The following AIG1 variants were observed in gnomAD, a reference collection of about 807,000 sequenced individuals.
AIG1 encodes androgen-induced gene 1 protein.
A neutral mutation model predicts 31.4 loss-of-function variants in AIG1; 23 were observed. The ratio of observed to expected loss-of-function variants is 0.73; its 90% CI spans 0.53 to 1.04. The LOEUF (loss-of-function observed/expected upper bound fraction) is 1.04, where lower values mean the gene tolerates loss of function less well. Ranked by LOEUF, AIG1 falls within the 50% of genes least tolerant of loss-of-function variation. AIG1 has a pLI of 0.00. For synonymous variants in AIG1, 100 were observed against 110.5 expected (o/e 0.90, Z 0.60); for missense variants, 274 against 295.0 (o/e 0.93, Z 0.52).
chr6:143,342,254 G>A, downstream of AIG1: 1 of 683,914 alleles, frequency 1.5e-6, no homozygotes. Flanking sequence ...AAATGGGGTG[G>A]CGAGGCTGGG....
Position 143,326,900 on chromosome 6 carries a change from G to A in AIG1, c.516-6382G>A, listed in dbSNP as rs1776658653. Among the ~76,000 whole-genome samples, 1 of 152,058 alleles carries A rather than the reference G, an allele frequency of 6.6e-6. No homozygotes were observed. The highest frequency in any genetic ancestry group is 2.4e-5 in the African/African-American group (1 of 41,380). On this transcript the variant is annotated intron_variant, in intron 4 of 5. Coordinates refer to ENST00000357847, the MANE Select transcript of AIG1 (RefSeq NM_016108.4). The surrounding 1 kb of genome is among the most constrained non-coding windows in gnomAD (Gnocchi z 4.5). Reference sequence around the variant, plus strand: ...GGAACAGGAGCAAGATATGGGATGGGGCCAAAGAGACCGATAGAAGCCACT... The same window carrying A: ...GGAACAGGAGCAAGATATGGGATGGAGCCAAAGAGACCGATAGAAGCCACT...
chr6:143,158,453 T>G (rs1188944703), intron 2 of AIG1, among the ~76,000 whole-genome samples: 2 of 152,200 alleles, frequency 1.3e-5, no homozygotes, highest in African/African-American at 4.8e-5. Context: ...CCCATGTCCT[T>G]ATTTAATTTT....
intron 3 of AIG1, among the ~76,000 whole-genome samples, chr6:143,212,317 A>G (rs1339784739): frequency 1.3e-5 from 2 of 152,124 alleles, no homozygotes; most frequent in Non-Finnish European, 2.9e-5. Context: ...ACTACACTAT[A>G]TAGACAGTCT....
At chr6:143,337,965 G>C (rs577467258) in intron 5 of AIG1, 73 of 398,352 alleles carry the variant, frequency 1.8e-4, no homozygotes, top group Admixed American at 4.4e-5. Context: ...AATTTTTTCT[G>C]TCTACCTCAC....
chr6:143,210,142 G>C (rs546088422), intron 3 of AIG1, among the ~76,000 whole-genome samples: 1 of 152,244 alleles, frequency 6.6e-6, no homozygotes, highest in South Asian at 2.1e-4. Context: ...AGTTTATAAG[G>C]GGCTTTTCCC....
At chr6:143,139,165 A>G (rs1179400321) in intron 2 of AIG1, among the ~76,000 whole-genome samples, 3 of 152,186 alleles carry the variant, frequency 2.0e-5, no homozygotes, top group African/African-American at 7.2e-5. Context: ...CATGGTTTAT[A>G]AAACAAGTGG....
At chr6:143,217,248 TTGTTG>T (rs1792102259) in intron 3 of AIG1, among the ~76,000 whole-genome samples, 1 of 152,138 alleles carries the variant, frequency 6.6e-6, no homozygotes, top group African/African-American at 2.4e-5. Flanking sequence ...TGTTTTTTTG[TTGTTG>T]TGTTAATGAT....
At chr6:143,285,356 G>T (rs1258808895) in intron 4 of AIG1, among the ~76,000 whole-genome samples, 2 of 150,132 alleles carry the variant, frequency 1.3e-5, no homozygotes, top group Non-Finnish European at 3.0e-5. Flanking sequence ...GGAGCTTTAC[G>T]ACCATGTGGT....
intron 3 of AIG1, among the ~76,000 whole-genome samples, chr6:143,251,746 A>G (rs180905366): frequency 6.6e-6 from 1 of 152,144 alleles, no homozygotes; most frequent in Non-Finnish European, 1.5e-5. Flanking sequence ...TTGGAGTCCC[A>G]TCCTGGTCCT....
rs1393665985 is a variant in AIG1 at position 143,164,844 on chromosome 6, A to G, written c.298-238A>G. The G allele has an allele frequency of 2.6e-6, 1 of 380,858 alleles. No homozygotes were observed. Among genetic ancestry groups the G allele is most frequent in the African/African-American group, 2.1e-5 (1 of 47,690 alleles). The allele number at this position is 380,858 out of a possible 1,614,324, so 23.6% of individuals were successfully genotyped here. ...CAGGCCTCTTCTCTCTCCCTCAGAA[A>G]CCAATCCCTTTGCCTGAAAGAACAC... On this transcript the variant is annotated intron_variant, in intron 2 of 5. Transcript: ENST00000357847.
intron 4 of AIG1, among the ~76,000 whole-genome samples, chr6:143,302,540 C>T (rs1412386807): frequency 6.6e-6 from 1 of 152,134 alleles, no homozygotes; most frequent in South Asian, 2.1e-4. Context: ...CATGTCCCTA[C>T]AAAGGACATG....
At chr6:143,195,220 G>A (rs1013305416) in intron 3 of AIG1, among the ~76,000 whole-genome samples, 4 of 152,134 alleles carry the variant, frequency 2.6e-5, no homozygotes, top group African/African-American at 7.2e-5. Flanking sequence ...GCTGAGTCTA[G>A]GGAACTTGGA....
At chr6:143,216,742 T>C (rs1281492749) in intron 3 of AIG1, among the ~76,000 whole-genome samples, 1 of 152,214 alleles carries the variant, frequency 6.6e-6, no homozygotes, top group Admixed American at 6.5e-5. Context: ...AGAGAGATTA[T>C]GTGGCTGCGT....
Position 143,245,973 on chromosome 6 carries a change from G to A in AIG1, c.400-38137G>A, listed in dbSNP as rs548724178. Among the ~76,000 whole-genome samples the A allele has an allele frequency of 1.3e-3, 200 of 152,122 alleles. 1 individual carries two copies. Among genetic ancestry groups the A allele is most frequent in the African/African-American group, 4.3e-3 (177 of 41,490 alleles). On this transcript the variant is annotated intron_variant, in intron 3 of 5. Coordinates refer to ENST00000357847, the MANE Select transcript of AIG1 (RefSeq NM_016108.4). ...ATTGGAAGAAGAATTGTCTTGGGCCGCACATAAAATACACTAACACTAACA... is the reference window on the plus strand; with the variant it reads ...ATTGGAAGAAGAATTGTCTTGGGCCACACATAAAATACACTAACACTAACA...
At chr6:143,278,688 C>T (rs1583712376) in intron 3 of AIG1, among the ~76,000 whole-genome samples, 3 of 151,856 alleles carry the variant, frequency 2.0e-5, no homozygotes, top group African/African-American at 7.2e-5. Context: ...AGGCTGGTCT[C>T]GAACTCCTGA....
At chr6:143,146,199 GA>G (rs147727468) in intron 2 of AIG1, among the ~76,000 whole-genome samples, 85 of 150,306 alleles carry the variant, frequency 5.7e-4, no homozygotes, top group African/African-American at 1.9e-3. Context: ...TCTCTCTGGG[GA>G]AAAAAAAATC....
At chr6:143,225,848 G>A (rs1392748610) in intron 3 of AIG1, among the ~76,000 whole-genome samples, 7 of 152,078 alleles carry the variant, frequency 4.6e-5, no homozygotes, top group African/African-American at 7.2e-5. Flanking sequence ...TTTTAGAGGC[G>A]AATTTGTATA....
In AIG1 at chr6:143,280,759, T is replaced by G. The variant is rs935488464; in HGVS notation, c.400-3351T>G. The stretch of plus-strand genomic sequence containing the variant: ...GGAGGAGGGAGAGTAGCAGAAAAGA[T>G]AACTATTGGGTACTGGGCTTAATAC... On this transcript the variant is annotated intron_variant, in intron 3 of 5. Transcript: ENST00000357847. This position sits in a 1 kb window ranked among gnomAD's most constrained non-coding sequence, Gnocchi z 4.1. 2.0e-5 allele frequency among the ~76,000 whole-genome samples: 3 copies of G among 152,094 alleles called. No homozygotes were observed. Among genetic ancestry groups the G allele is most frequent in the African/African-American group, 7.2e-5 (3 of 41,414 alleles).
intron 1 of AIG1, among the ~76,000 whole-genome samples, chr6:143,084,949 G>A (rs1778625241): frequency 6.6e-6 from 1 of 152,176 alleles, no homozygotes; most frequent in Non-Finnish European, 1.5e-5. Context: ...TGACTTAACT[G>A]TAACTGAGAT....
Sources: gnomAD v4.1 joint callset for allele counts (sites outside exome capture counted in the v4.1 genomes callset) on GRCh38, gnomAD v4.1.1 for gene constraint, Gnocchi (gnomAD v3.1) non-coding constraint, MANE v1.5 for transcripts, NCBI Gene and HGNC (gene_info 2026-07-23, HGNC 2026-07-21) for gene names.